SEMA3A: variants seen among roughly 807,000 people sequenced by gnomAD.
SEMA3A encodes the protein semaphorin-3A.
In SEMA3A, 29 loss-of-function variants were observed where a neutral mutation model predicts 97.9. The ratio of observed to expected loss-of-function variants is 0.30; its 90% CI spans 0.22 to 0.40. The LOEUF (loss-of-function observed/expected upper bound fraction) is 0.40, where lower values mean the gene tolerates loss of function less well. Among genes scored for constraint, SEMA3A ranks in the 10% least tolerant of loss-of-function variants. The pLI is 1.00. For synonymous variants in SEMA3A, 321 were observed against 323.7 expected (o/e 0.99, Z 0.09); for missense variants, 763 against 951.3 (o/e 0.80, Z 2.60).
At chr7:84,378,156 T>A (rs574899721) in intron 1 of SEMA3A, among the ~76,000 whole-genome samples, 1 of 152,236 alleles carries the variant, frequency 6.6e-6, no homozygotes, top group Admixed American at 6.5e-5. Flanking sequence ...TTCCAATATT[T>A]CTGGGTAAAT....
At chr7:83,980,676 A>G (rs1178225152) in intron 14 of SEMA3A, among the ~76,000 whole-genome samples, 1 of 148,752 alleles carries the variant, frequency 6.7e-6, no homozygotes, top group African/African-American at 2.5e-5. Flanking sequence ...ACACATATAC[A>G]TATAGATATA....
At chr7:84,174,622 G>T (rs867935913) in intron 1 of SEMA3A, among the ~76,000 whole-genome samples, 7 of 152,098 alleles carry the variant, frequency 4.6e-5, no homozygotes, top group Middle Eastern at 3.4e-3. Context: ...ATTATGTAAT[G>T]GTATATGATT....
chr7:84,086,524 A>AATATATTATTATATTATATTTACATATG (rs1449436765), intron 4 of SEMA3A, among the ~76,000 whole-genome samples: 1 of 53,484 alleles, frequency 1.9e-5, no homozygotes, highest in African/African-American at 3.7e-5. Context: ...ATTTATATAT[A>AATATATTATTATATTATATTTACATATG]ATATATTATT....
intron 2 of SEMA3A, among the ~76,000 whole-genome samples, chr7:84,335,138 T>G (rs564403843): frequency 7.2e-5 from 11 of 152,146 alleles, no homozygotes; most frequent in Non-Finnish European, 1.5e-4. Context: ...ATAAACTCTC[T>G]AAATTACTAG....
chr7:84,251,773 C>A (rs1470638047), intron 3 of SEMA3A, among the ~76,000 whole-genome samples: 1 of 152,066 alleles, frequency 6.6e-6, no homozygotes, highest in African/African-American at 2.4e-5. Flanking sequence ...CTGTAGAATT[C>A]TTACAAAATT....
intron 1 of SEMA3A, among the ~76,000 whole-genome samples, chr7:84,401,080 T>C (rs1803888488): frequency 6.6e-6 from 1 of 152,184 alleles, no homozygotes; most frequent in South Asian, 2.1e-4. Context: ...AGAAGTCAAA[T>C]TGTCCTTGCA....
intron 2 of SEMA3A, among the ~76,000 whole-genome samples, chr7:84,332,123 A>G (rs1349869687): frequency 6.6e-6 from 1 of 152,096 alleles, no homozygotes; most frequent in Non-Finnish European, 1.5e-5. Context: ...TACCCTTCAG[A>G]GAGAGTTCCA....
At chr7:84,226,508 T>G (rs1798992712) in intron 3 of SEMA3A, among the ~76,000 whole-genome samples, 1 of 152,082 alleles carries the variant, frequency 6.6e-6, no homozygotes, top group Admixed American at 6.6e-5. Context: ...ATCTATAACT[T>G]TTTCAATGTA....
intron 3 of SEMA3A, among the ~76,000 whole-genome samples, chr7:84,116,688 T>C (rs1795444261): frequency 6.6e-6 from 1 of 152,196 alleles, no homozygotes; most frequent in East Asian, 1.9e-4. Context: ...TAAGGAGACA[T>C]CGGGGCATGA....
rs1318911745 is a variant in SEMA3A, at chr7:84,005,556, A to G, written c.1143T>C (p.Cys381=). The G allele has an allele frequency of 1.2e-6, 2 of 1,601,358 alleles. No homozygotes were observed. The highest frequency in any genetic ancestry group is 3.3e-5 in the Admixed American group (2 of 59,974). Residue 381 remains cysteine (C), a splice_region_variant and synonymous_variant, in exon 11 of 17, where the codon TGT becomes TGC. Coordinates refer to ENST00000265362, the MANE Select transcript of SEMA3A (RefSeq NM_006080.3). ...GRVPYPRPGT[C]PSKTFGGFDS... Reference sequence around the variant, plus strand: ...CAAAACCACCAAATGTTTTGCTGGGACACTATTAAGATAAAGAGAAAATTA... The same window carrying G: ...CAAAACCACCAAATGTTTTGCTGGGGCACTATTAAGATAAAGAGAAAATTA...
Position 84,141,425 on chromosome 7 carries a change from C to G in SEMA3A, c.113-6474G>C, listed in dbSNP as rs1217252233. 4.6e-5 allele frequency among the ~76,000 whole-genome samples: 7 copies of G among 152,096 alleles called. No individual in the cohort carries two copies. The South Asian group carries it at 1.0e-3, about 22-fold the overall frequency. ...ATGTTCTGTACTCTAATGTCTCTAT[C>G]CATGAATTTATGCCAGGATTCTCCC... On this transcript the variant is annotated intron_variant, in intron 1 of 16. Transcript: ENST00000265362.
intron 1 of SEMA3A, among the ~76,000 whole-genome samples, chr7:84,402,277 G>T (rs1803925719): frequency 6.6e-6 from 1 of 152,094 alleles, no homozygotes; most frequent in South Asian, 2.1e-4. Flanking sequence ...CTAATTATCA[G>T]GAAAATGCAA....
At chr7:84,160,767 G>A (rs1797005282) in intron 1 of SEMA3A, among the ~76,000 whole-genome samples, 1 of 151,222 alleles carries the variant, frequency 6.6e-6, no homozygotes, top group Non-Finnish European at 1.5e-5. Context: ...GTAATCCCAG[G>A]TACTTGGGAG....
At chr7:84,312,891 T>C (rs1295292800) in intron 2 of SEMA3A, among the ~76,000 whole-genome samples, 10 of 51,754 alleles carry the variant, frequency 1.9e-4, no homozygotes, top group African/African-American at 4.7e-4. Context: ...TATATATATA[T>C]ATATATATAT....
chr7:84,401,157 T>G (rs1803890743), intron 1 of SEMA3A, among the ~76,000 whole-genome samples: 1 of 152,114 alleles, frequency 6.6e-6, no homozygotes, highest in Non-Finnish European at 1.5e-5. Context: ...GCTGATAAAT[T>G]CAGTAAGATT....
chr7:83,981,184 C>G (rs1411744703), intron 14 of SEMA3A, 137 bp downstream of exon 14: 17 of 886,160 alleles, frequency 1.9e-5, no homozygotes, highest in Non-Finnish European at 2.9e-5. Context: ...CAAAACGCAA[C>G]AATCCCCTCC....
intron 1 of SEMA3A, among the ~76,000 whole-genome samples, chr7:84,451,781 T>C (rs1457555491): frequency 6.6e-6 from 1 of 152,218 alleles, no homozygotes; most frequent in Admixed American, 6.5e-5. Flanking sequence ...GACACTTCAT[T>C]GCAAATAGGA....
intron 2 of SEMA3A, among the ~76,000 whole-genome samples, chr7:84,132,605 T>A (rs921016321): frequency 2.7e-5 from 4 of 150,934 alleles, no homozygotes; most frequent in African/African-American, 9.7e-5. Context: ...TACCTACAAT[T>A]TTAACTGATA....
intron 3 of SEMA3A, among the ~76,000 whole-genome samples, chr7:84,121,354 TC>T (rs1478855599): frequency 6.6e-6 from 1 of 150,866 alleles, no homozygotes; most frequent in Non-Finnish European, 1.5e-5. Flanking sequence ...ATGTTATCCC[TC>T]CCCACTCCCC....
Sources: allele counts gnomAD v4.1 joint callset (sites outside exome capture counted in the v4.1 genomes callset), GRCh38; gene constraint gnomAD v4.1.1; transcripts MANE v1.5; gene names NCBI Gene and HGNC (gene_info 2026-07-23, HGNC 2026-07-21).